Variants in AK8 observed in about 807,000 individuals in gnomAD.
AK8 encodes the protein ATP-AMP transphosphorylase 8.
In AK8, 44 loss-of-function variants were observed where a neutral mutation model predicts 54.6. That is an observed-to-expected ratio of 0.81 (90% CI 0.63 to 1.04). AK8 has a LOEUF of 1.04. Ranked by LOEUF, AK8 falls within the 50% of genes least tolerant of loss-of-function variation. AK8 has a pLI of 0.00. For missense variants in AK8, 555 were observed against 613.6 expected (o/e 0.90, Z 1.01); for synonymous variants, 239 against 245.6 (o/e 0.97, Z 0.25).
At chr9:132,751,611 CCTGTGACA>C (rs1837930995) in intron 11 of AK8, among the ~76,000 whole-genome samples, 1 of 151,394 alleles carries the variant, frequency 6.6e-6, no homozygotes, top group South Asian at 2.1e-4. Flanking sequence ...AGCCGAGAAG[CCTGTGACA>C]TCCTGGTGGC....
chr9:132,755,798 G>C (rs1007635949), intron 11 of AK8, among the ~76,000 whole-genome samples: 2 of 148,570 alleles, frequency 1.3e-5, no homozygotes, highest in African/African-American at 5.0e-5. Context: ...ACGGAGTTTC[G>C]CTCTTGTTTC....
chr9:132,842,332 C>CA (rs1842578947), intron 5 of AK8, among the ~76,000 whole-genome samples: 1 of 152,102 alleles, frequency 6.6e-6, no homozygotes, highest in African/African-American at 2.4e-5. Flanking sequence ...CTGGTTCATT[C>CA]ATTCATTCAT....
chr9:132,787,750 C>T (rs978383927), intron 11 of AK8, among the ~76,000 whole-genome samples: 1 of 152,094 alleles, frequency 6.6e-6, no homozygotes, highest in African/African-American at 2.4e-5. Flanking sequence ...TGTGTACAGG[C>T]ATAAAGGGTG....
intron 10 of AK8, among the ~76,000 whole-genome samples, chr9:132,795,721 G>A (rs984471086): frequency 1.3e-5 from 2 of 152,090 alleles, no homozygotes; most frequent in Non-Finnish European, 1.5e-5. Flanking sequence ...TGAAGTTCAC[G>A]CTGTCTCGGG....
chr9:132,798,506 C>T (rs536335190), intron 10 of AK8, among the ~76,000 whole-genome samples: 1 of 152,264 alleles, frequency 6.6e-6, no homozygotes, highest in African/African-American at 2.4e-5. Context: ...GGTCTAAAGT[C>T]TTTCACCATT....
At chr9:132,878,886 TC>T, upstream of AK8, 2 of 613,122 alleles carry the variant, frequency 3.3e-6, no homozygotes, top group Non-Finnish European at 4.1e-6. The surrounding 1 kb of genome is among the most constrained non-coding windows in gnomAD (Gnocchi z 4.7). Context: ...TCGCCCGACG[TC>T]CCCACCCACC....
Position 132,781,701 on chromosome 9 carries a change from G to C in AK8, c.1121+10933C>G, listed in dbSNP as rs1485235796. ...GATTTCTAGGCTATAATTCTGTCAA[G>C]ATTTCCTCCTGGTGTCAAAAACAGC... On this transcript the variant is annotated intron_variant, in intron 11 of 12. Transcript: ENST00000298545. The surrounding 1 kb of genome is among the most constrained non-coding windows in gnomAD (Gnocchi z 4.6). Among the ~76,000 whole-genome samples, 1 of 152,084 alleles carries C rather than the reference G, an allele frequency of 6.6e-6. No individual in the cohort carries two copies.
At chr9:132,735,052 G>A (rs1837032143) in intron 11 of AK8, among the ~76,000 whole-genome samples, 1 of 152,146 alleles carries the variant, frequency 6.6e-6, no homozygotes, top group South Asian at 2.1e-4. Flanking sequence ...CTAAATGAAA[G>A]CTCCTTGGGT....
At chr9:132,818,383 G>A (rs913853048) in intron 9 of AK8, among the ~76,000 whole-genome samples, 2 of 152,148 alleles carry the variant, frequency 1.3e-5, no homozygotes, top group Non-Finnish European at 2.9e-5. Context: ...ACAATATATT[G>A]TAGGGTTTAT....
intron 11 of AK8, among the ~76,000 whole-genome samples, chr9:132,738,472 G>A (rs1397158588): frequency 6.6e-6 from 1 of 151,692 alleles, no homozygotes; most frequent in East Asian, 1.9e-4. Flanking sequence ...TCTGTTGATC[G>A]GTACAATTTG....
At chr9:132,855,980 G>A (rs1186545424) in intron 4 of AK8, among the ~76,000 whole-genome samples, 1 of 152,082 alleles carries the variant, frequency 6.6e-6, no homozygotes, top group Admixed American at 6.5e-5. Context: ...CAGAGTGTTG[G>A]CCCTTTTCAT....
rs894500050 is a variant in AK8, at chr9:132,734,765, C to A, written c.1122-7231G>T. Among the ~76,000 whole-genome samples the A allele has an allele frequency of 5.9e-5, 9 of 152,148 alleles. No homozygotes were observed. The East Asian group carries it at 1.5e-3, about 26-fold the overall frequency. ...CATAAATAGGTTGGGCACGGTGGCT[C>A]ACACCTGTAATCCCAATAGTTTGGC... On this transcript the variant is annotated intron_variant, in intron 11 of 12. Transcript: ENST00000298545.
In AK8 at chr9:132,805,650, C is replaced by T. The variant is rs76842642; in HGVS notation, c.979+8988G>A. On this transcript the variant is annotated intron_variant, in intron 10 of 12. Coordinates refer to ENST00000298545, the MANE Select transcript of AK8 (RefSeq NM_152572.3). ...GTGTAAAAAAAATCAAAGAGAAGGACCCTCGGGGGCACAAACCTGTTGATA... is the reference window on the plus strand; with the variant it reads ...GTGTAAAAAAAATCAAAGAGAAGGATCCTCGGGGGCACAAACCTGTTGATA... 2.6e-3 allele frequency among the ~76,000 whole-genome samples: 397 copies of T among 152,232 alleles called. 3 individuals are homozygous for T. Among genetic ancestry groups the T allele is most frequent in the Non-Finnish European group, 4.4e-3 (297 of 68,004 alleles).
intron 5 of AK8, among the ~76,000 whole-genome samples, chr9:132,849,933 G>A (rs1842904163): frequency 1.3e-5 from 2 of 152,046 alleles, no homozygotes; most frequent in African/African-American, 4.8e-5. Flanking sequence ...GTTTAGTAGA[G>A]ACAGGGTTTC....
intron 11 of AK8, among the ~76,000 whole-genome samples, chr9:132,738,046 T>C (rs1837198982): frequency 7.8e-6 from 1 of 128,546 alleles, no homozygotes. Context: ...AGATTTCCCA[T>C]TGCTGAATTA....
intron 5 of AK8, among the ~76,000 whole-genome samples, chr9:132,843,796 T>C (rs1322630583): frequency 6.6e-6 from 1 of 152,146 alleles, no homozygotes; most frequent in African/African-American, 2.4e-5. Flanking sequence ...GCTGGGTGGC[T>C]AAGGAACAGG....
intron 5 of AK8, among the ~76,000 whole-genome samples, chr9:132,850,220 A>T (rs1391348167): frequency 8.9e-5 from 11 of 123,010 alleles, no homozygotes; most frequent in Admixed American, 7.6e-4. Flanking sequence ...TGCCCAGCTA[A>T]TTTTTTTTTT....
At chr9:132,787,416 T>G (rs1378447679) in intron 11 of AK8, among the ~76,000 whole-genome samples, 1 of 152,162 alleles carries the variant, frequency 6.6e-6, no homozygotes, top group Non-Finnish European at 1.5e-5. Flanking sequence ...AGGCTCAGGA[T>G]CAGATTGGCA....
intron 10 of AK8, among the ~76,000 whole-genome samples, chr9:132,801,806 A>G (rs1564408759): frequency 6.6e-6 from 1 of 152,188 alleles, no homozygotes; most frequent in African/African-American, 2.4e-5. Context: ...TTTTCTCCCT[A>G]TGAAAGAAGT....
Sources: allele counts gnomAD v4.1 joint callset (sites outside exome capture counted in the v4.1 genomes callset), GRCh38; gene constraint gnomAD v4.1.1; non-coding constraint Gnocchi (gnomAD v3.1); transcripts MANE v1.5; gene names NCBI Gene and HGNC (gene_info 2026-07-23, HGNC 2026-07-21).